SLX4IP: variants seen among roughly 807,000 people sequenced by gnomAD.
SLX4IP encodes SLX4 interacting protein.
Under a neutral mutation model 32.9 loss-of-function variants are expected in SLX4IP, and 34 were observed. The observed-to-expected ratio is 1.03, with a 90% CI of 0.79 to 1.38. SLX4IP has a LOEUF of 1.38. Ranked by LOEUF, SLX4IP falls within the 40% of genes most tolerant of loss-of-function variation. The pLI is 0.00. For synonymous variants in SLX4IP, 172 were observed against 171.7 expected (o/e 1.00, Z -0.01); for missense variants, 444 against 479.0 (o/e 0.93, Z 0.68).
At chr20:10,472,666 G>A (rs1229066794) in intron 2 of SLX4IP, among the ~76,000 whole-genome samples, 1 of 152,192 alleles carries the variant, frequency 6.6e-6, no homozygotes, top group Non-Finnish European at 1.5e-5. Context: ...AGTGACTTGA[G>A]TCTTTCTGAG....
intron 4 of SLX4IP, among the ~76,000 whole-genome samples, chr20:10,566,389 C>A (rs765687622): frequency 6.2e-5 from 9 of 145,798 alleles, no homozygotes; most frequent in Non-Finnish European, 1.2e-4. Context: ...TTGTATATTG[C>A]CATAAAGAGC....
rs558675540 is a variant in SLX4IP, at chr20:10,493,355, A to G, written c.27+35124A>G. Among the ~76,000 whole-genome samples, 17 of 152,290 alleles carry G rather than the reference A, an allele frequency of 1.1e-4. No homozygotes were observed. In the East Asian group the frequency reaches 2.1e-3, roughly 19 times the overall value. ...AGGCATTTTTTTCGTTGTTGCTACT[A>G]TAAATTGGATATTTTATTCTATTAC... On this transcript the variant is annotated intron_variant, in intron 2 of 7. Coordinates refer to ENST00000334534, the MANE Select transcript of SLX4IP (RefSeq NM_001009608.3).
intron 2 of SLX4IP, among the ~76,000 whole-genome samples, chr20:10,493,518 T>C (rs1214953657): frequency 6.6e-6 from 1 of 151,908 alleles, no homozygotes; most frequent in Non-Finnish European, 1.5e-5. Context: ...ATAGTCAACA[T>C]CTACAGATAA....
chr20:10,595,025 G>A (rs192818526), intron 4 of SLX4IP, among the ~76,000 whole-genome samples: 3 of 152,226 alleles, frequency 2.0e-5, no homozygotes, highest in Admixed American at 6.5e-5. Context: ...GAAGGATAAG[G>A]AGAAGTGCAA....
intron 4 of SLX4IP, among the ~76,000 whole-genome samples, chr20:10,595,943 A>G (rs3748470): frequency 0.071 from 10,868 of 152,278 alleles, 622 homozygotes; most frequent in South Asian, 0.23. Context: ...ACAAGATGCT[A>G]TTTAGAAATG....
intron 2 of SLX4IP, among the ~76,000 whole-genome samples, chr20:10,540,078 T>C (rs1213080059): frequency 5.9e-5 from 7 of 119,094 alleles, no homozygotes; most frequent in Admixed American, 4.4e-4. Flanking sequence ...CTTTTCTTTC[T>C]TTTCTCTCCT....
chr20:10,496,145 A>G (rs2065665760), intron 2 of SLX4IP, among the ~76,000 whole-genome samples: 2 of 151,556 alleles, frequency 1.3e-5, no homozygotes, highest in African/African-American at 4.9e-5. Context: ...TTCTTTTTAA[A>G]TTATTTTATT....
rs562133448 is a variant in SLX4IP, at chr20:10,469,234, C to T, written c.27+11003C>T. On this transcript the variant is annotated intron_variant, in intron 2 of 7. Coordinates refer to ENST00000334534, the MANE Select transcript of SLX4IP (RefSeq NM_001009608.3). The stretch of plus-strand genomic sequence containing the variant: ...CTCATAGAGAACAGGGAAGTCACTC[C>T]AGCTTTGGATTATTTCTTACTGGTC... Among the ~76,000 whole-genome samples the T allele has an allele frequency of 7.2e-5, 11 of 152,172 alleles. No homozygotes were observed. The East Asian group carries it at 2.1e-3, about 29-fold the overall frequency.
intron 2 of SLX4IP, among the ~76,000 whole-genome samples, chr20:10,544,737 T>C (rs554020642): frequency 4.5e-4 from 69 of 152,332 alleles, no homozygotes; most frequent in African/African-American, 1.6e-3. Flanking sequence ...GGAATTATTT[T>C]CTTGTATTTA....
chr20:10,509,929 G>A lies in SLX4IP; in HGVS notation c.28-46302G>A, dbSNP rs150811673. ...CAGGCTGGCCTCAAACTTCTGCCTC[G>A]GCCTCCCAAATTGCTGGGATTACAG... is the stretch of plus-strand genomic sequence containing the variant. On this transcript the variant is annotated intron_variant, in intron 2 of 7. Coordinates refer to ENST00000334534, the MANE Select transcript of SLX4IP (RefSeq NM_001009608.3). 7.2e-5 allele frequency among the ~76,000 whole-genome samples: 11 copies of A among 152,084 alleles called. No individual in the cohort carries two copies. In the East Asian group the frequency reaches 1.7e-3, roughly 24 times the overall value.
rs2067154895 is a variant in SLX4IP, at chr20:10,624,823, A to AGG, written c.*1445_*1446insGG. The AGG allele has an allele frequency of 2.0e-5, 3 of 152,198 alleles. No individual in the cohort carries two copies. Among genetic ancestry groups the AGG allele is most frequent in the Admixed American group, 2.0e-4 (3 of 15,274 alleles). The allele number at this position is 152,198 out of a possible 1,614,324, so 9.4% of individuals were successfully genotyped here. Reference sequence around the variant, plus strand: ...AGACCAGTAAGACTCATGAAGCAGCAGCTATATTTCATGGCACCATTTTGG... The same window carrying AGG: ...AGACCAGTAAGACTCATGAAGCAGCAGGGCTATATTTCATGGCACCATTTTGG... On this transcript the variant is annotated 3_prime_UTR_variant, in exon 8 of 8. Coordinates refer to ENST00000334534, the MANE Select transcript of SLX4IP (RefSeq NM_001009608.3).
intron 2 of SLX4IP, among the ~76,000 whole-genome samples, chr20:10,507,002 C>T (rs764117389): frequency 2.7e-4 from 41 of 152,194 alleles, no homozygotes; most frequent in Non-Finnish European, 5.6e-4. Context: ...ACACCTTCAT[C>T]ACCTCACATT....
At chr20:10,587,243 TAATA>T (rs747003409) in intron 4 of SLX4IP, among the ~76,000 whole-genome samples, 1 of 144,804 alleles carries the variant, frequency 6.9e-6, no homozygotes, top group Non-Finnish European at 1.5e-5. Context: ...TTTACAACAT[TAATA>T]AATTAAAAAG....
chr20:10,609,092 GAGA>G (rs932970273), intron 6 of SLX4IP, among the ~76,000 whole-genome samples: 5 of 111,402 alleles, frequency 4.5e-5, no homozygotes, highest in African/African-American at 1.7e-4. Context: ...AGAGGAGGAG[GAGA>G]AGGAGCAGCG....
At chr20:10,524,363 T>C (rs1312799831) in intron 2 of SLX4IP, among the ~76,000 whole-genome samples, 6 of 152,162 alleles carry the variant, frequency 3.9e-5, no homozygotes. Context: ...ATAACAGGCA[T>C]AGCCATGCAG....
chr20:10,621,335 G>A lies in SLX4IP; in HGVS notation c.427G>A (p.Val143Met). 6.2e-7 allele frequency: 1 copy of A among 1,614,216 alleles called. No homozygotes were observed. Among genetic ancestry groups the A allele is most frequent in the Admixed American group, 1.7e-5 (1 of 60,034 alleles). Residue 143 changes from valine (V) to methionine (M), a missense_variant, in exon 7 of 8, where the codon GTG becomes ATG. Val to Met is a conservative substitution (Grantham distance 21). Coordinates refer to ENST00000334534, the MANE Select transcript of SLX4IP (RefSeq NM_001009608.3). ...EDLTERVLHG[V>M]SDYFAECAES... ...GTAGACAGAAAGAGTTCTCCATGGA[G>A]TGTCTGATTACTTTGCTGAGTGTGC...
chr20:10,598,400 A>G (rs868627805), intron 4 of SLX4IP, among the ~76,000 whole-genome samples: 1 of 152,276 alleles, frequency 6.6e-6, no homozygotes, highest in South Asian at 2.1e-4. Context: ...AGTAGCTGGG[A>G]TTACAGGTGC....
At chr20:10,456,167 A>C (rs1308040870) in intron 1 of SLX4IP, among the ~76,000 whole-genome samples, 4 of 152,222 alleles carry the variant, frequency 2.6e-5, no homozygotes, top group Admixed American at 2.6e-4. Context: ...TTGTGTTTAG[A>C]TTTGGATCTC....
intron 3 of SLX4IP, among the ~76,000 whole-genome samples, chr20:10,558,359 AAAAC>A (rs201066434): frequency 0.1 from 15,331 of 149,060 alleles, 1,000 homozygotes; most frequent in Non-Finnish European, 0.16. Flanking sequence ...AAAAAAAAAA[AAAAC>A]AATTCGCTGA....
Sources: allele counts gnomAD v4.1 joint callset (sites outside exome capture counted in the v4.1 genomes callset), GRCh38; gene constraint gnomAD v4.1.1; transcripts MANE v1.5; gene names NCBI Gene and HGNC (gene_info 2026-07-23, HGNC 2026-07-21).